TGFBR2: variants seen among roughly 807,000 people sequenced by gnomAD.
TGFBR2 encodes the protein transforming growth factor beta receptor 2.
Under a neutral mutation model 49.0 loss-of-function variants are expected in TGFBR2, and 18 were observed. The ratio of observed to expected loss-of-function variants is 0.37; its 90% CI spans 0.25 to 0.54. The LOEUF is 0.54. Ranked by LOEUF, TGFBR2 falls within the 20% of genes least tolerant of loss-of-function variation. TGFBR2 has a pLI of 0.85. For synonymous variants in TGFBR2, 282 were observed against 275.9 expected, an observed-to-expected ratio of 1.02 and a Z score of -0.22; for missense variants, 525 against 722.6, an observed-to-expected ratio of 0.73 and a Z score of 3.13.
intron 2 of TGFBR2, 143 bp downstream of exon 2, chr3:30,645,058 G>A: frequency 1.1e-5 from 9 of 800,566 alleles, no homozygotes; most frequent in South Asian, 1.5e-5. Context: ...TCTCTCTTTC[G>A]ATTATTAAAT....
chr3:30,631,967 C>T (rs779547334), intron 1 of TGFBR2, among the ~76,000 whole-genome samples: 2 of 152,090 alleles, frequency 1.3e-5, no homozygotes, highest in Non-Finnish European at 2.9e-5. Context: ...TTAACTTTTA[C>T]GTGAGCAAAT....
intron 1 of TGFBR2, among the ~76,000 whole-genome samples, chr3:30,638,425 C>T (rs553664020): frequency 6.6e-6 from 1 of 152,120 alleles, no homozygotes; most frequent in Non-Finnish European, 1.5e-5. Flanking sequence ...CTGCACACGC[C>T]ATAGTCTCCC....
At chr3:30,655,604 G>A (rs878908465) in intron 3 of TGFBR2, among the ~76,000 whole-genome samples, 7 of 152,200 alleles carry the variant, frequency 4.6e-5, no homozygotes, top group African/African-American at 1.4e-4. Context: ...TAGGGTAATC[G>A]CAGTTCTGTA....
At chr3:30,630,279 T>G (rs1206804777) in intron 1 of TGFBR2, among the ~76,000 whole-genome samples, 1 of 152,190 alleles carries the variant, frequency 6.6e-6, no homozygotes, top group Non-Finnish European at 1.5e-5. Flanking sequence ...GGTGCCAAAG[T>G]TAGGTACATA....
In TGFBR2 at chr3:30,609,730, C is replaced by A. The variant is rs535855207; in HGVS notation, c.94+2753C>A. On this transcript the variant is annotated intron_variant, in intron 1 of 6. Coordinates refer to ENST00000295754, the MANE Select transcript of TGFBR2 (RefSeq NM_003242.6). The stretch of plus-strand genomic sequence containing the variant: ...AAAGTGTCATAGTGATCAGGTTCTT[C>A]ACATCACTTTAATAACCTGCTTATT... Among the ~76,000 whole-genome samples, 144 of 152,264 alleles carry A rather than the reference C, an allele frequency of 9.5e-4. 1 individual carries two copies. Among genetic ancestry groups the A allele is most frequent in the South Asian group, 4.8e-3 (23 of 4,826 alleles).
At chr3:30,626,467 A>C (rs1698334206) in intron 1 of TGFBR2, 1 of 152,286 alleles carries the variant, frequency 6.6e-6, no homozygotes, top group Non-Finnish European at 1.5e-5. Flanking sequence ...CTGGGTCTGA[A>C]AGGCTGGGTA....
chr3:30,663,047 A>G (rs1235784279), intron 3 of TGFBR2, among the ~76,000 whole-genome samples: 2 of 152,188 alleles, frequency 1.3e-5, no homozygotes, highest in African/African-American at 4.8e-5. Context: ...CTGCGGGCAC[A>G]CTTAGAATAA....
intron 2 of TGFBR2, among the ~76,000 whole-genome samples, chr3:30,646,261 AC>A (rs747330562): frequency 2.7e-4 from 41 of 152,358 alleles, no homozygotes; most frequent in Admixed American, 9.1e-4. Context: ...AGGAATGTTA[AC>A]AGCAAAGACT....
intron 3 of TGFBR2, among the ~76,000 whole-genome samples, chr3:30,655,886 C>T (rs1166128811): frequency 1.3e-5 from 2 of 152,166 alleles, no homozygotes; most frequent in Non-Finnish European, 2.9e-5. Flanking sequence ...CGGTATAAAC[C>T]GTTGCTACTG....
In TGFBR2 at chr3:30,623,345, A is replaced by T. The variant is rs1346971726; in HGVS notation, c.94+16368A>T. On this transcript the variant is annotated intron_variant, in intron 1 of 6. Transcript: ENST00000295754. ...CATGCTCCCTCACTGCTTAATTTGT[A>T]AGTAAATCTAAGATAAAAATCTATA... 12 of 1,537,258 alleles carry T rather than the reference A, an allele frequency of 7.8e-6. No homozygotes were observed. The East Asian group carries it at 2.7e-4, about 35-fold the overall frequency.
At chr3:30,689,462 T>G (rs907771634) in intron 6 of TGFBR2, among the ~76,000 whole-genome samples, 6 of 152,220 alleles carry the variant, frequency 3.9e-5, no homozygotes, top group African/African-American at 1.4e-4. Flanking sequence ...GCTAAGTTGT[T>G]GGTTTCCCTA....
At chr3:30,648,611 T>C (rs923911469) in intron 2 of TGFBR2, among the ~76,000 whole-genome samples, 2 of 152,184 alleles carry the variant, frequency 1.3e-5, no homozygotes, top group African/African-American at 4.8e-5. Flanking sequence ...TTAGTTTCAT[T>C]TGGTGTCCTG....
chr3:30,664,657 C>T (rs1028310161), intron 3 of TGFBR2, among the ~76,000 whole-genome samples: 5 of 152,190 alleles, frequency 3.3e-5, no homozygotes, highest in African/African-American at 7.2e-5. Flanking sequence ...TATGCATGTG[C>T]GCACACACAT....
In TGFBR2 at chr3:30,644,874, C is replaced by T. The variant is rs112864356; in HGVS notation, c.222C>T (p.Thr74=). Residue 74 remains threonine (T), a synonymous_variant, in exon 2 of 7, where the codon ACC becomes ACT. Coordinates refer to ENST00000295754, the MANE Select transcript of TGFBR2 (RefSeq NM_003242.6). ...QKSCMSNCSI[T]SICEKPQEVC... ...CCTGCATGAGCAACTGCAGCATCAC[C>T]TCCATCTGTGAGAAGCCACAGGAAG... 4 of 1,614,170 alleles carry T rather than the reference C, an allele frequency of 2.5e-6. No homozygotes were observed. Among genetic ancestry groups the T allele is most frequent in the Non-Finnish European group, 3.4e-6 (4 of 1,180,016 alleles).
At chr3:30,625,671 C>A (rs972144569) in intron 1 of TGFBR2, among the ~76,000 whole-genome samples, 2 of 152,196 alleles carry the variant, frequency 1.3e-5, no homozygotes, top group African/African-American at 4.8e-5. Flanking sequence ...AAATGCCCTG[C>A]AGCCAATTAT....
Position 30,688,314 on chromosome 3 carries a change from C to T in TGFBR2, c.1397-70C>T, listed in dbSNP as rs924268622. Reference sequence around the variant, plus strand: ...CTTCATGCTCCCCAGCCAGGCATCTCACCATGCTCATTTCCTTTGGCTGCA... The same window carrying T: ...CTTCATGCTCCCCAGCCAGGCATCTTACCATGCTCATTTCCTTTGGCTGCA... On this transcript the variant is annotated intron_variant, in intron 5 of 6. Coordinates refer to ENST00000295754, the MANE Select transcript of TGFBR2 (RefSeq NM_003242.6). 9 of 1,608,576 alleles carry T rather than the reference C, an allele frequency of 5.6e-6. No homozygotes were observed. The East Asian group carries it at 1.8e-4, about 32-fold the overall frequency.
intron 1 of TGFBR2, among the ~76,000 whole-genome samples, chr3:30,642,305 G>T (rs1412483536): frequency 6.6e-6 from 1 of 151,796 alleles, no homozygotes; most frequent in African/African-American, 2.4e-5. Flanking sequence ...TGTGGTGGTG[G>T]GGTGGGAGTG....
intron 3 of TGFBR2, among the ~76,000 whole-genome samples, chr3:30,668,448 G>A (rs1164825385): frequency 1.3e-5 from 2 of 152,224 alleles, no homozygotes; most frequent in African/African-American, 4.8e-5. Flanking sequence ...GGAGCATTGT[G>A]GAAGTGGTAA....
chr3:30,623,314 T>A, intron 1 of TGFBR2: 1 of 1,609,510 alleles, frequency 6.2e-7, no homozygotes, highest in Non-Finnish European at 8.5e-7. Context: ...TTTTTCTATT[T>A]TTAGTCATGC....
Sources: gnomAD v4.1 joint callset for allele counts (sites outside exome capture counted in the v4.1 genomes callset) on GRCh38, gnomAD v4.1.1 for gene constraint, MANE v1.5 for transcripts, NCBI Gene and HGNC (gene_info 2026-07-23, HGNC 2026-07-21) for gene names.